Variants in TPCN1 observed in about 807,000 individuals in gnomAD.
TPCN1 encodes the protein two pore channel protein 1.
TPCN1 carries 52 observed loss-of-function variants against 108.8 expected under a neutral mutation model. The observed-to-expected ratio is 0.48, with a 90% CI of 0.38 to 0.60. The LOEUF (loss-of-function observed/expected upper bound fraction) is 0.60, where lower values mean the gene tolerates loss of function less well. Ranked by LOEUF, TPCN1 falls within the 20% of genes least tolerant of loss-of-function variation. The pLI, the probability that TPCN1 is intolerant of heterozygous loss-of-function variation, is 0.00. For missense variants in TPCN1, 806 were observed against 1,072.8 expected, an observed-to-expected ratio of 0.75 and a Z score of 3.47; for synonymous variants, 446 against 433.7, an observed-to-expected ratio of 1.03 and a Z score of -0.35.
chr12:113,240,576 C>T (rs865804039), intron 2 of TPCN1, among the ~76,000 whole-genome samples: 1 of 152,120 alleles, frequency 6.6e-6, no homozygotes, highest in East Asian at 1.9e-4. Context: ...AGGATGTGAA[C>T]CTTTCCTCCG....
At chr12:113,242,927 C>T (rs915988619) in intron 2 of TPCN1, among the ~76,000 whole-genome samples, 3 of 152,234 alleles carry the variant, frequency 2.0e-5, no homozygotes, top group Non-Finnish European at 4.4e-5. Context: ...CCTTCATTAC[C>T]TACTGATGGA....
At chr12:113,279,129 A>G (rs1484416604) in intron 14 of TPCN1, among the ~76,000 whole-genome samples, 1 of 151,768 alleles carries the variant, frequency 6.6e-6, no homozygotes, top group African/African-American at 2.4e-5. Flanking sequence ...CATTGAAGAA[A>G]CTTGAAAGTG....
chr12:113,256,389 A>T (rs1487769405), intron 2 of TPCN1, among the ~76,000 whole-genome samples: 1 of 152,116 alleles, frequency 6.6e-6, no homozygotes, highest in African/African-American at 2.4e-5. Context: ...TTAGGGACAA[A>T]GAAATTGACT....
chr12:113,282,136 G>T (rs1384439135), intron 15 of TPCN1, among the ~76,000 whole-genome samples: 1 of 143,116 alleles, frequency 7.0e-6, no homozygotes, highest in Non-Finnish European at 1.5e-5. Flanking sequence ...TGTCACCCAG[G>T]CTGGAGTGCA....
rs767001318 is a variant in TPCN1, at chr12:113,226,972, G to A, written c.112+8G>A. 1 of 1,609,966 alleles carries A rather than the reference G, an allele frequency of 6.2e-7. No homozygotes were observed. Among genetic ancestry groups the A allele is most frequent in the Admixed American group, 1.7e-5 (1 of 59,494 alleles). On this transcript the variant is annotated splice_region_variant and intron_variant, in intron 2 of 27. Coordinates refer to ENST00000335509, the MANE Select transcript of TPCN1 (RefSeq NM_017901.6). ...AAGAGCTACCTAGCAAAAGTAAGAT[G>A]GTGGGGTGGGCTGGGGGGACCCCAG...
chr12:113,237,327 A>T (rs1355251340), intron 2 of TPCN1, among the ~76,000 whole-genome samples: 1 of 150,836 alleles, frequency 6.6e-6, no homozygotes. Flanking sequence ...CCCAGGTCCC[A>T]GAAGCTCAGC....
rs1300037881 is a variant in TPCN1 at position 113,296,114 on chromosome 12, CAATAGT to C, written c.*40_*45del. ...AAGCCGTCTCTTCTATGCAATAACA[CAATAGT>C]ATTACTCTACTGCGATGTACGGAAC... On this transcript the variant is annotated 3_prime_UTR_variant, in exon 28 of 28. Transcript: ENST00000335509. 1.9e-6 allele frequency: 3 copies of C among 1,606,138 alleles called. No individual in the cohort carries two copies. The highest frequency in any genetic ancestry group is 2.6e-6 in the Non-Finnish European group (3 of 1,174,358).
intron 27 of TPCN1, chr12:113,294,057 T>C (rs1448202651): frequency 6.6e-6 from 1 of 151,936 alleles, no homozygotes; most frequent in African/African-American, 2.4e-5. Flanking sequence ...AGGCTGGGAG[T>C]GCTTGGGATT....
intron 23 of TPCN1, 98 bp from the exon 24 acceptor site, chr12:113,291,508 CGGT>C: frequency 1.0e-6 from 1 of 971,948 alleles, no homozygotes; most frequent in Non-Finnish European, 1.6e-6. Flanking sequence ...CCACAAATCA[CGGT>C]GGGGTCTGCG....
chr12:113,251,300 C>T (rs1473861276), intron 2 of TPCN1, among the ~76,000 whole-genome samples: 2 of 152,154 alleles, frequency 1.3e-5, no homozygotes, highest in African/African-American at 4.8e-5. Context: ...GAATTATTTC[C>T]AAATGGAGGC....
chr12:113,222,633 A>C (rs1036377885), intron 1 of TPCN1, among the ~76,000 whole-genome samples: 1 of 152,216 alleles, frequency 6.6e-6, no homozygotes, highest in Non-Finnish European at 1.5e-5. Flanking sequence ...ACAGTTAAAC[A>C]ACCGTGTTGA....
At chr12:113,225,896 C>T (rs1216625867) in intron 1 of TPCN1, among the ~76,000 whole-genome samples, 1 of 152,072 alleles carries the variant, frequency 6.6e-6, no homozygotes, top group African/African-American at 2.4e-5. Flanking sequence ...ACTCTGTTGC[C>T]CAAGCCAGAG....
At chr12:113,260,641 C>G in intron 3 of TPCN1, 149 bp downstream of exon 3, 2 of 1,046,140 alleles carry the variant, frequency 1.9e-6, no homozygotes, top group South Asian at 3.5e-5. Context: ...ATAAGATGGG[C>G]TGACCTGACT....
Position 113,288,293 on chromosome 12 carries a change from GGGGC to G in TPCN1, c.1706+63_1706+66del. ...AGGTGCCGTGTGGCAGTGCCCCGTG[GGGGC>G]GGGAGCCGAGTGGCAGTCGGGGGAA... On this transcript the variant is annotated intron_variant, in intron 20 of 27. Coordinates refer to ENST00000335509, the MANE Select transcript of TPCN1 (RefSeq NM_017901.6). The surrounding 1 kb of genome is among the most constrained non-coding windows in gnomAD (Gnocchi z 4.8). 1 of 1,610,524 alleles carries G rather than the reference GGGGC, an allele frequency of 6.2e-7. No homozygotes were observed. The highest frequency in any genetic ancestry group is 1.1e-5 in the South Asian group (1 of 90,778).
chr12:113,276,108 C>T (rs1359884352), intron 10 of TPCN1, among the ~76,000 whole-genome samples: 1 of 152,148 alleles, frequency 6.6e-6, no homozygotes, highest in Non-Finnish European at 1.5e-5. Flanking sequence ...CATGATATGA[C>T]CACAGGTTAG....
Position 113,276,901 on chromosome 12 carries a change from T to C in TPCN1, c.943-18T>C. The C allele has an allele frequency of 6.3e-7, 1 of 1,584,978 alleles. No individual in the cohort carries two copies. Among genetic ancestry groups the C allele is most frequent in the East Asian group, 2.2e-5 (1 of 44,758 alleles). ...CACTCAAGGTCCTGAGCTAGGGCTC[T>C]GTGCTTCTCTCCCACAGCTTCTGGC... On this transcript the variant is annotated intron_variant, in intron 10 of 27. Transcript: ENST00000335509.
At chr12:113,244,748 G>A (rs922646063) in intron 2 of TPCN1, 35 of 985,306 alleles carry the variant, frequency 3.6e-5, no homozygotes, top group East Asian at 2.3e-4. Flanking sequence ...TGCTTTGTGA[G>A]TATTCGCATT....
intron 25 of TPCN1, 42 bp from the exon 26 acceptor site, chr12:113,292,892 G>A (rs776241022): frequency 7.6e-6 from 12 of 1,589,138 alleles, no homozygotes; most frequent in African/African-American, 6.7e-5. Flanking sequence ...GTTGGCAGCT[G>A]CAGCCCCGGG....
chr12:113,294,821 G>GC (rs1198767131), intron 27 of TPCN1, among the ~76,000 whole-genome samples: 1 of 152,156 alleles, frequency 6.6e-6, no homozygotes, highest in East Asian at 1.9e-4. Context: ...GGTTGCCAGG[G>GC]CTCCGGGGAG....
Sources: gnomAD v4.1 joint callset for allele counts (sites outside exome capture counted in the v4.1 genomes callset) on GRCh38, gnomAD v4.1.1 for gene constraint, Gnocchi (gnomAD v3.1) non-coding constraint, MANE v1.5 for transcripts, NCBI Gene and HGNC (gene_info 2026-07-23, HGNC 2026-07-21) for gene names.